Variants in VPS54 observed in about 807,000 individuals in gnomAD.
The protein encoded by VPS54 is vacuolar protein sorting-associated protein 54.
VPS54 carries 45 observed loss-of-function variants against 121.5 expected under a neutral mutation model. The ratio of observed to expected loss-of-function variants is 0.37; its 90% CI spans 0.29 to 0.47. The LOEUF is 0.47. VPS54 is among the 20% of genes least tolerant of loss of function. The probability of loss-of-function intolerance (pLI) is 0.99; values close to 1 mark genes in which losing one functional copy is unlikely to be tolerated. For missense variants in VPS54, 1,090 were observed against 1,131.4 expected (o/e 0.96, Z 0.52); for synonymous variants, 371 against 385.8 (o/e 0.96, Z 0.45).
At chr2:64,000,864 G>GT (rs1287255167) in intron 1 of VPS54, among the ~76,000 whole-genome samples, 1 of 152,164 alleles carries the variant, frequency 6.6e-6, no homozygotes, top group Non-Finnish European at 1.5e-5. Context: ...AAGGCCCACC[G>GT]TAACCACTAC....
intron 1 of VPS54, among the ~76,000 whole-genome samples, chr2:63,985,680 TACACAC>T (rs3079061): frequency 0.051 from 7,439 of 144,980 alleles, 559 homozygotes; most frequent in African/African-American, 0.17. Flanking sequence ...TGACAAATTA[TACACAC>T]ACACACACAC....
At position 63,912,649 on chromosome 2, in the gene VPS54, C is replaced by A; in HGVS notation, c.2435G>T (p.Arg812Leu). The A allele has an allele frequency of 6.4e-7, 1 of 1,565,418 alleles. No individual in the cohort carries two copies. The highest frequency in any genetic ancestry group is 1.2e-5 in the South Asian group (1 of 81,972). ...GTAGTGCACAATTAACTGCAAACAT[C>A]GTGAAGAAAGAGCTGAAGATCCAGG... ...ITTKNLALSS[R>L]CLQLIVHYIP... The change falls in exon 19 of 23, where the codon CGA becomes CTA. Residue 812 changes from arginine (R) to leucine (L), a missense_variant. This residue lies in a region of VPS54 where 289 missense variants were observed against 374.4 expected (regional missense o/e 0.77). Transcript: ENST00000272322.
At chr2:63,955,176 G>C (rs989619360) in intron 7 of VPS54, among the ~76,000 whole-genome samples, 8 of 151,848 alleles carry the variant, frequency 5.3e-5, no homozygotes, top group Non-Finnish European at 1.2e-4. Context: ...ACTTTGCTTT[G>C]CATTGACAAC....
chr2:64,013,272 G>C (rs1252259417), intron 1 of VPS54, among the ~76,000 whole-genome samples: 1 of 152,124 alleles, frequency 6.6e-6, no homozygotes, highest in African/African-American at 2.4e-5. Context: ...TGTCTGACTA[G>C]AATCTAATCA....
chr2:63,949,224 A>C, intron 7 of VPS54, 61 bp from the exon 8 acceptor site: 1 of 1,529,254 alleles, frequency 6.5e-7, no homozygotes, highest in Non-Finnish European at 8.8e-7. Flanking sequence ...TTCGCTCCAC[A>C]ATCAAGGGAA....
At chr2:63,990,221 C>T (rs1163969946) in intron 1 of VPS54, among the ~76,000 whole-genome samples, 4 of 152,144 alleles carry the variant, frequency 2.6e-5, no homozygotes, top group East Asian at 3.9e-4. Flanking sequence ...CCCCACCTAA[C>T]GATGCTGAAA....
chr2:63,962,043 A>C lies in VPS54; in HGVS notation c.1010+15T>G, dbSNP rs761501692. ...TTTCTAACATTATTTCTAGTGGCTT[A>C]CTTAATGAACATACCGGAAACTGTG... On this transcript the variant is annotated intron_variant, in intron 7 of 22. Coordinates refer to ENST00000272322, the MANE Select transcript of VPS54 (RefSeq NM_016516.3). 1 of 1,515,778 alleles carries C rather than the reference A, an allele frequency of 6.6e-7. No homozygotes were observed. Among genetic ancestry groups the C allele is most frequent in the South Asian group, 1.3e-5 (1 of 74,294 alleles). The allele number at this position is 1,515,778 out of a possible 1,614,324, so 93.9% of individuals were successfully genotyped here. A position where few individuals can be genotyped will look rare whatever the true frequency, so the allele number is the denominator to read the frequency against.
intron 12 of VPS54, among the ~76,000 whole-genome samples, chr2:63,922,807 C>T (rs1455722550): frequency 3.3e-5 from 5 of 151,938 alleles, no homozygotes; most frequent in African/African-American, 1.2e-4. Context: ...ATTTTTAATT[C>T]CTGAAACATT....
intron 7 of VPS54, among the ~76,000 whole-genome samples, chr2:63,959,689 C>A (rs193224045): frequency 2.0e-5 from 3 of 152,174 alleles, no homozygotes; most frequent in Non-Finnish European, 4.4e-5. Flanking sequence ...GAGTTCGAGA[C>A]CAGCCTGGGT....
At chr2:63,985,074 C>A (rs1676980685) in intron 1 of VPS54, among the ~76,000 whole-genome samples, 1 of 152,184 alleles carries the variant, frequency 6.6e-6, no homozygotes, top group Non-Finnish European at 1.5e-5. Context: ...AATCTCAGCA[C>A]TTTGGGAGGC....
chr2:63,912,564 A>C lies in VPS54; in HGVS notation c.2520T>G (p.Leu840=). Residue 840 remains leucine, a synonymous_variant, in exon 19 of 23, where the codon CTT becomes CTG. Transcript: ENST00000272322. ...ARLPPKQYSM[L]RHFDHITKDY... ...CCTTAGTGATATGATCAAAATGCCT[A>C]AGCATGCTATATTGCTTAGGTGGTA... The C allele has an allele frequency of 6.2e-7, 1 of 1,611,278 alleles. No homozygotes were observed. The highest frequency in any genetic ancestry group is 2.2e-5 in the East Asian group (1 of 44,822).
chr2:63,995,436 AT>A (rs1677534988), intron 1 of VPS54, among the ~76,000 whole-genome samples: 1 of 152,222 alleles, frequency 6.6e-6, no homozygotes, highest in African/African-American at 2.4e-5. Context: ...AATACATTTA[AT>A]TAATGAAGTG....
intron 2 of VPS54, among the ~76,000 whole-genome samples, chr2:63,983,233 G>A (rs538418654): frequency 8.0e-5 from 12 of 149,556 alleles, no homozygotes; most frequent in Non-Finnish European, 1.8e-4. Flanking sequence ...CCAGGTTCAA[G>A]TGATTCTCCT....
intron 20 of VPS54, among the ~76,000 whole-genome samples, chr2:63,903,625 C>T (rs1672781118): frequency 6.6e-6 from 1 of 151,898 alleles, no homozygotes; most frequent in African/African-American, 2.4e-5. Context: ...AATAATAGCA[C>T]ACAGCAGGAG....
chr2:63,987,413 G>C (rs1304435284), intron 1 of VPS54, among the ~76,000 whole-genome samples: 1 of 152,116 alleles, frequency 6.6e-6, no homozygotes, highest in East Asian at 1.9e-4. Context: ...TGTTCTATGT[G>C]TCTGGTTATA....
At chr2:63,928,192 A>C (rs1198805212) in intron 12 of VPS54, among the ~76,000 whole-genome samples, 1 of 152,186 alleles carries the variant, frequency 6.6e-6, no homozygotes, top group Non-Finnish European at 1.5e-5. Flanking sequence ...GAGAAGAACA[A>C]CCCCAAGACA....
At chr2:63,948,343 AC>A (rs1226198762) in intron 8 of VPS54, among the ~76,000 whole-genome samples, 3 of 151,986 alleles carry the variant, frequency 2.0e-5, no homozygotes, top group Non-Finnish European at 4.4e-5. Flanking sequence ...TATATAAAAA[AC>A]ATGTTCATAA....
chr2:63,932,900 C>T (rs1486300779), intron 12 of VPS54, among the ~76,000 whole-genome samples: 1 of 151,966 alleles, frequency 6.6e-6, no homozygotes, highest in African/African-American at 2.4e-5. Flanking sequence ...TGTATTTAAT[C>T]AGTATACTAA....
At chr2:63,999,923 C>G (rs553402527) in intron 1 of VPS54, among the ~76,000 whole-genome samples, 2 of 152,042 alleles carry the variant, frequency 1.3e-5, no homozygotes, top group Non-Finnish European at 2.9e-5. Context: ...TGCAATGGCA[C>G]GATCTCGTCT....
Sources: gnomAD v4.1 joint callset for allele counts (sites outside exome capture counted in the v4.1 genomes callset) on GRCh38, gnomAD v4.1.1 for gene constraint, gnomAD v4.1.1 regional missense constraint, MANE v1.5 for transcripts, NCBI Gene and HGNC (gene_info 2026-07-23, HGNC 2026-07-21) for gene names.